Variants in MCM6 observed in about 807,000 individuals in gnomAD.
MCM6 encodes DNA replication licensing factor MCM6.
MCM6 carries 46 observed loss-of-function variants against 94.3 expected under a neutral mutation model. The observed-to-expected ratio is 0.49, with a 90% CI of 0.39 to 0.62. The LOEUF (loss-of-function observed/expected upper bound fraction) is 0.62. Among genes scored for constraint, MCM6 ranks in the 20% least tolerant of loss-of-function variants. The pLI is 0.00. For missense variants in MCM6, 865 were observed against 1,017.9 expected (o/e 0.85, Z 2.04); for synonymous variants, 335 against 351.9 (o/e 0.95, Z 0.54).
intron 1 of MCM6, among the ~76,000 whole-genome samples, chr2:135,873,068 G>A (rs1234181175): frequency 1.3e-5 from 2 of 152,134 alleles, no homozygotes; most frequent in Non-Finnish European, 2.9e-5. Flanking sequence ...CACCTGGTGG[G>A]AGTTAATTGA....
chr2:135,873,193 G>C (rs1025095266), intron 1 of MCM6, among the ~76,000 whole-genome samples: 5 of 152,146 alleles, frequency 3.3e-5, no homozygotes, highest in Non-Finnish European at 7.4e-5. Context: ...TGCCATCCAC[G>C]TAAGACATCA....
At chr2:135,859,863 G>A (rs1679957212) in intron 8 of MCM6, among the ~76,000 whole-genome samples, 1 of 151,710 alleles carries the variant, frequency 6.6e-6, no homozygotes. Flanking sequence ...GAGTACAGTG[G>A]TGTGATCTCA....
chr2:135,862,468 A>T, intron 8 of MCM6, 139 bp downstream of exon 8: 1 of 946,202 alleles, frequency 1.1e-6, no homozygotes, highest in South Asian at 2.4e-5. Flanking sequence ...CCATAACTTT[A>T]ATCTATGAGA....
chr2:135,857,131 A>G (rs1679905802), intron 10 of MCM6, among the ~76,000 whole-genome samples: 1 of 152,228 alleles, frequency 6.6e-6, no homozygotes, highest in Non-Finnish European at 1.5e-5. Flanking sequence ...GATGCTTACT[A>G]CAATTTTGTT....
intron 13 of MCM6, among the ~76,000 whole-genome samples, chr2:135,850,613 C>A (rs757776789): frequency 6.6e-6 from 1 of 151,952 alleles, no homozygotes; most frequent in Admixed American, 6.5e-5. Flanking sequence ...GGAAAAAAGC[C>A]AAAAAATTAA....
intron 8 of MCM6, among the ~76,000 whole-genome samples, chr2:135,861,157 A>C (rs1679983929): frequency 6.6e-6 from 1 of 152,248 alleles, no homozygotes; most frequent in African/African-American, 2.4e-5. Flanking sequence ...ATAAAACTCC[A>C]AACCAACTAA....
At chr2:135,848,691 C>T (rs1679713466) in intron 13 of MCM6, among the ~76,000 whole-genome samples, 1 of 152,142 alleles carries the variant, frequency 6.6e-6, no homozygotes, top group Non-Finnish European at 1.5e-5. Flanking sequence ...TGAGACCAGC[C>T]TGACCAACAT....
intron 1 of MCM6, among the ~76,000 whole-genome samples, chr2:135,875,784 G>A (rs1424612770): frequency 6.6e-6 from 1 of 152,222 alleles, no homozygotes; most frequent in Non-Finnish European, 1.5e-5. Flanking sequence ...ACTTTCATCA[G>A]CACAAGAGGC....
intron 2 of MCM6, among the ~76,000 whole-genome samples, chr2:135,871,116 C>T (rs1163214748): frequency 6.6e-6 from 1 of 152,046 alleles, no homozygotes; most frequent in African/African-American, 2.4e-5. Flanking sequence ...AACAAATTGG[C>T]AAAAATGCTC....
At chr2:135,859,603 C>T (rs1201390408) in intron 8 of MCM6, among the ~76,000 whole-genome samples, 161 bp from the exon 9 acceptor site, 2 of 151,746 alleles carry the variant, frequency 1.3e-5, no homozygotes, top group African/African-American at 4.8e-5. Context: ...TTCTCTCCCT[C>T]GGCTTTTCTT....
chr2:135,851,104 G>A (rs869208815), intron 13 of MCM6, among the ~76,000 whole-genome samples: 1 of 152,170 alleles, frequency 6.6e-6, no homozygotes, highest in African/African-American at 2.4e-5. Context: ...TATTGCCAGC[G>A]CAGAGGCCTA....
At chr2:135,846,132 C>G in intron 15 of MCM6, 105 bp downstream of exon 15, 4 of 1,133,856 alleles carry the variant, frequency 3.5e-6, no homozygotes, top group South Asian at 1.6e-5. Context: ...ACAACTTATC[C>G]TCTCTTCCGA....
At chr2:135,870,224 C>CT in intron 3 of MCM6, 27 bp downstream of exon 3, 4 of 1,563,976 alleles carry the variant, frequency 2.6e-6, no homozygotes, top group Non-Finnish European at 3.5e-6. Flanking sequence ...TGGTGAATTC[C>CT]TTTTTTTCCA....
chr2:135,860,655 A>G (rs1657323684), intron 8 of MCM6, among the ~76,000 whole-genome samples: 1 of 152,246 alleles, frequency 6.6e-6, no homozygotes, highest in Non-Finnish European at 1.5e-5. Flanking sequence ...ACAAAATCCA[A>G]CACCTTTTCA....
rs1680176856 is a variant in MCM6, at chr2:135,870,321, T to C, written c.295A>G (p.Lys99Glu). The change falls in exon 3 of 17, where the codon AAA becomes GAA. Residue 99 changes from lysine to glutamate, a missense_variant. By Grantham distance (56) the Lys-to-Glu change is moderately conservative (BLOSUM62 1). This residue lies in a region of MCM6 where 404 missense variants were observed against 451.9 expected (regional missense o/e 0.89). Transcript: ENST00000264156. ...YLCRALKTFV[K>E]DRKEIPLAKD... is the part of the protein sequence containing the mutation. ...GCAAGAGGGATCTCTTTACGGTCTT[T>C]GACGAATGTTTTCAAGGCCCGACAC... 1.9e-6 allele frequency: 3 copies of C among 1,613,942 alleles called. No individual in the cohort carries two copies. The highest frequency in any genetic ancestry group is 2.5e-6 in the Non-Finnish European group (3 of 1,179,884).
intron 11 of MCM6, 28 bp downstream of exon 11, chr2:135,856,700 A>T (rs769874200): frequency 6.2e-7 from 1 of 1,609,762 alleles, no homozygotes; most frequent in Non-Finnish European, 8.5e-7. Flanking sequence ...CTCCAACTGG[A>T]AATAAAAAAG....
chr2:135,848,951 G>A (rs1235501411), intron 13 of MCM6, among the ~76,000 whole-genome samples: 2 of 152,012 alleles, frequency 1.3e-5, no homozygotes, highest in Non-Finnish European at 2.9e-5. Flanking sequence ...GGAAAAAAAG[G>A]CTACTCCCAG....
chr2:135,854,627 C>G (rs1679840687), intron 11 of MCM6, among the ~76,000 whole-genome samples: 1 of 149,354 alleles, frequency 6.7e-6, no homozygotes, highest in Non-Finnish European at 1.5e-5. Context: ...AATCCCAACA[C>G]TTTGGGAAGC....
intron 5 of MCM6, 135 bp downstream of exon 5, chr2:135,866,428 T>C: frequency 7.2e-7 from 1 of 1,394,564 alleles, no homozygotes; most frequent in South Asian, 1.4e-5. Context: ...AACCAATTTG[T>C]TTTTATTCTC....
Sources: allele counts gnomAD v4.1 joint callset (sites outside exome capture counted in the v4.1 genomes callset), GRCh38; gene constraint gnomAD v4.1.1; regional missense constraint gnomAD v4.1.1; transcripts MANE v1.5; gene names NCBI Gene and HGNC (gene_info 2026-07-23, HGNC 2026-07-21).